Variants in CCDC12 observed in about 807,000 individuals in gnomAD.
CCDC12 encodes the protein coiled-coil domain containing 12, also known as coiled-coil domain-containing protein 12.
CCDC12 carries 28 observed loss-of-function variants against 25.7 expected under a neutral mutation model. That is an observed-to-expected ratio of 1.09 (90% CI 0.81 to 1.50). The LOEUF is 1.50. CCDC12 is among the 40% of genes most tolerant of loss of function. The pLI is 0.00. For missense variants in CCDC12, 198 were observed against 210.0 expected (o/e 0.94, Z 0.35); for synonymous variants, 75 against 87.7 (o/e 0.86, Z 0.81).
At chr3:46,947,071 C>T (rs13092573) in intron 1 of CCDC12, among the ~76,000 whole-genome samples, 43,378 of 152,064 alleles carry the variant, frequency 0.29, 6,713 homozygotes, top group South Asian at 0.34. Context: ...TTTCCAATCC[C>T]CAGGTGATAT....
At chr3:46,976,828 G>T, upstream of CCDC12, 1 of 1,525,828 alleles carries the variant, frequency 6.6e-7, no homozygotes, top group South Asian at 1.2e-5. Flanking sequence ...GGACGAGAAT[G>T]AGAGACTGGG....
At chr3:46,923,406 C>T (rs1412414936) in intron 4 of CCDC12, 43 bp from the exon 5 acceptor site, 14 of 1,547,574 alleles carry the variant, frequency 9.0e-6, no homozygotes, top group Non-Finnish European at 1.2e-5. Flanking sequence ...GGGGCCACCC[C>T]AGGACAAGGG....
chr3:46,930,257 A>G (rs1251471328), intron 2 of CCDC12, among the ~76,000 whole-genome samples: 1 of 152,124 alleles, frequency 6.6e-6, no homozygotes, highest in African/African-American at 2.4e-5. Flanking sequence ...GAAACAACCA[A>G]CGAAGTACTC....
intron 1 of CCDC12, among the ~76,000 whole-genome samples, chr3:46,951,759 G>A (rs189870246): frequency 2.2e-3 from 199 of 88,538 alleles, no homozygotes; most frequent in African/African-American, 8.7e-3. Context: ...CAGCCTGGGC[G>A]ACAGAACGAG....
chr3:46,951,798 A>AAAAAAAAAAATATATAT lies in CCDC12; in HGVS notation c.97-10734_97-10733insATATATATTTTTTTTTT. Reference sequence around the variant, plus strand: ...CCGTCTCAAAAAAAAAAAAAAAAAAAATATATATATATATATATATATATA... The same window carrying AAAAAAAAAAATATATAT: ...CCGTCTCAAAAAAAAAAAAAAAAAAAAAAAAAAAAATATATATATATATATATATATATATATATATA... On this transcript the variant is annotated intron_variant, in intron 1 of 6. Transcript: ENST00000683445. 7.2e-3 allele frequency among the ~76,000 whole-genome samples: 61 copies of AAAAAAAAAAATATATAT among 8,444 alleles called. 2 individuals carry two copies. The highest frequency in any genetic ancestry group is 0.012 in the Non-Finnish European group (41 of 3,556). The allele number at this position is 8,444 out of a possible 152,430, so 5.5% of individuals were successfully genotyped here. A position where few individuals can be genotyped will look rare whatever the true frequency, so the allele number is the denominator to read the frequency against.
At chr3:46,957,996 C>CACACACAT (rs113627328) in intron 1 of CCDC12, among the ~76,000 whole-genome samples, 39,804 of 141,692 alleles carry the variant, frequency 0.28, 6,984 homozygotes, top group Non-Finnish European at 0.36. Flanking sequence ...CACACACACA[C>CACACACAT]ATATATATGT....
upstream of CCDC12, chr3:46,979,927 C>CCCCGCG (rs1417065792): frequency 3.7e-5 from 14 of 376,740 alleles, no homozygotes; most frequent in African/African-American, 1.3e-4. Flanking sequence ...GCCCGCCCCG[C>CCCCGCG]CCCGCGCCCG....
chr3:46,976,355 G>C (rs931126020), intron 1 of CCDC12: 11 of 1,350,356 alleles, frequency 8.1e-6, no homozygotes, highest in Non-Finnish European at 1.0e-5. Context: ...ATACCTACAC[G>C]AGCAACACCC....
chr3:46,928,148 C>T (rs2033053862), intron 2 of CCDC12, among the ~76,000 whole-genome samples: 1 of 152,108 alleles, frequency 6.6e-6, no homozygotes, highest in South Asian at 2.1e-4. Flanking sequence ...ATTCAGGAGG[C>T]TGAAGCAGGA....
At chr3:46,947,239 T>TG (rs1366942687) in intron 1 of CCDC12, among the ~76,000 whole-genome samples, 1 of 151,762 alleles carries the variant, frequency 6.6e-6, no homozygotes, top group Non-Finnish European at 1.5e-5. Flanking sequence ...GGGCCCAGGG[T>TG]GGGGAAAAAA....
chr3:46,972,403 T>C (rs2034831024), intron 1 of CCDC12, among the ~76,000 whole-genome samples: 2 of 152,182 alleles, frequency 1.3e-5, no homozygotes, highest in South Asian at 2.1e-4. Context: ...CTAATAATGA[T>C]TTAATATCCA....
intron 3 of CCDC12, 185 bp downstream of exon 3, chr3:46,925,271 G>C: frequency 1.4e-6 from 1 of 709,070 alleles, no homozygotes; most frequent in Non-Finnish European, 2.6e-6. Flanking sequence ...TCAGTGCCCC[G>C]ACAGCCTCTG....
upstream of CCDC12, among the ~76,000 whole-genome samples, chr3:46,981,142 C>G (rs1464417989): frequency 6.6e-6 from 1 of 152,162 alleles, no homozygotes; most frequent in Admixed American, 6.5e-5. Flanking sequence ...TGCTTCCTGC[C>G]TGTAAAACTG....
intron 1 of CCDC12, among the ~76,000 whole-genome samples, chr3:46,973,706 A>G (rs11715389): frequency 0.94 from 140,031 of 149,054 alleles, 66,416 homozygotes; most frequent in East Asian, 1. Flanking sequence ...TCCGCCTCCC[A>G]GGTTCACGTC....
chr3:46,927,510 C>T (rs2033013574), intron 2 of CCDC12, among the ~76,000 whole-genome samples: 1 of 152,190 alleles, frequency 6.6e-6, no homozygotes, highest in South Asian at 2.1e-4. Context: ...CCTCCAGACC[C>T]ACCCACTGCC....
At chr3:46,978,800 G>A (rs377445228), upstream of CCDC12, among the ~76,000 whole-genome samples, 3 of 152,030 alleles carry the variant, frequency 2.0e-5, no homozygotes, top group South Asian at 6.2e-4. Flanking sequence ...TGGCTAACAC[G>A]GTGGAACCCC....
At chr3:46,971,712 G>A (rs542051896) in intron 1 of CCDC12, among the ~76,000 whole-genome samples, 2 of 152,248 alleles carry the variant, frequency 1.3e-5, no homozygotes, top group South Asian at 2.1e-4. Context: ...AAATTCCTAA[G>A]GCCTCCAGCA....
At chr3:46,948,767 G>GTCA (rs1311741491) in intron 1 of CCDC12, among the ~76,000 whole-genome samples, 1 of 152,220 alleles carries the variant, frequency 6.6e-6, no homozygotes, top group Non-Finnish European at 1.5e-5. Flanking sequence ...CGCCAGGCCC[G>GTCA]TCACACGGCC....
intron 1 of CCDC12, among the ~76,000 whole-genome samples, chr3:46,947,669 G>A (rs2033959339): frequency 6.6e-6 from 1 of 152,072 alleles, no homozygotes; most frequent in Non-Finnish European, 1.5e-5. Flanking sequence ...GACTTGGTCC[G>A]AGTATCCACT....
Sources: gnomAD v4.1 joint callset for allele counts (sites outside exome capture counted in the v4.1 genomes callset) on GRCh38, gnomAD v4.1.1 for gene constraint, MANE v1.5 for transcripts, NCBI Gene and HGNC (gene_info 2026-07-23, HGNC 2026-07-21) for gene names.